TOX2: variants seen among roughly 807,000 people sequenced by gnomAD.
TOX2 encodes granulosa cell HMG box 1.
Under a neutral mutation model 47.4 loss-of-function variants are expected in TOX2, and 15 were observed. The observed-to-expected ratio is 0.32, with a 90% CI of 0.21 to 0.49. TOX2 has a LOEUF of 0.49. Ranked by LOEUF, TOX2 falls within the 20% of genes least tolerant of loss-of-function variation. TOX2 has a pLI of 0.99. For synonymous variants in TOX2, 290 were observed against 296.6 expected (o/e 0.98, Z 0.23); for missense variants, 622 against 673.1 (o/e 0.92, Z 0.84).
At chr20:44,046,649 A>G (rs931774963) in intron 3 of TOX2, among the ~76,000 whole-genome samples, 8 of 152,366 alleles carry the variant, frequency 5.3e-5, no homozygotes, top group East Asian at 1.9e-4. Flanking sequence ...CAGCTACCAC[A>G]TGGATGAACC....
At chr20:43,931,472 C>A (rs2069251979) in intron 1 of TOX2, among the ~76,000 whole-genome samples, 2 of 152,210 alleles carry the variant, frequency 1.3e-5, no homozygotes, top group Admixed American at 6.5e-5. Context: ...TCAAGCGCCA[C>A]CCCCTCCTGG....
chr20:43,922,936 T>C (rs531463662), intron 1 of TOX2, among the ~76,000 whole-genome samples: 1 of 152,324 alleles, frequency 6.6e-6, no homozygotes, highest in South Asian at 2.1e-4. Flanking sequence ...TGTGGATTTG[T>C]AATCAATTGG....
chr20:43,989,783 A>G (rs2070335975), intron 2 of TOX2, among the ~76,000 whole-genome samples: 1 of 145,668 alleles, frequency 6.9e-6, no homozygotes. Context: ...CTGTCTCAGA[A>G]AAAAAAAAAA....
intron 1 of TOX2, among the ~76,000 whole-genome samples, chr20:43,950,835 G>A (rs183607165): frequency 3.9e-4 from 60 of 152,188 alleles, no homozygotes; most frequent in Non-Finnish European, 6.3e-4. Context: ...AACTCCAGGG[G>A]TCTTTGTTCA....
chr20:44,026,838 G>A (rs1178779819), intron 3 of TOX2, among the ~76,000 whole-genome samples: 1 of 152,102 alleles, frequency 6.6e-6, no homozygotes, highest in Non-Finnish European at 1.5e-5. Flanking sequence ...TTCTTCTGTG[G>A]GGTGAGGCCA....
intron 3 of TOX2, among the ~76,000 whole-genome samples, chr20:44,025,290 C>T (rs1311539411): frequency 6.6e-6 from 1 of 151,894 alleles, no homozygotes; most frequent in Admixed American, 6.6e-5. Context: ...GCATAAATTG[C>T]ACCACACAGT....
At chr20:43,919,375 A>G (rs908645352) in intron 1 of TOX2, among the ~76,000 whole-genome samples, 2 of 152,196 alleles carry the variant, frequency 1.3e-5, no homozygotes, top group Non-Finnish European at 2.9e-5. Context: ...GAAAAATGGA[A>G]CAGGAAAGAG....
intron 5 of TOX2, among the ~76,000 whole-genome samples, chr20:44,060,694 A>G (rs968606203): frequency 6.6e-5 from 10 of 152,206 alleles, no homozygotes; most frequent in Non-Finnish European, 1.5e-4. Flanking sequence ...TGGATATTAT[A>G]AAATTATTTG....
intron 3 of TOX2, among the ~76,000 whole-genome samples, chr20:44,047,411 A>C (rs2145737772): frequency 6.6e-6 from 1 of 152,374 alleles, no homozygotes; most frequent in East Asian, 1.9e-4. Context: ...AAAACAACAT[A>C]TGCTACCTCA....
chr20:43,946,144 G>C, intron 1 of TOX2: 1 of 1,483,678 alleles, frequency 6.7e-7, no homozygotes, highest in Non-Finnish European at 9.1e-7. Context: ...ACCTGGACTG[G>C]TGCTTGTCAC....
intron 2 of TOX2, among the ~76,000 whole-genome samples, chr20:43,984,374 G>A (rs1273930879): frequency 6.6e-6 from 1 of 152,204 alleles, no homozygotes; most frequent in Non-Finnish European, 1.5e-5. Context: ...AGCCCATCCT[G>A]TGTATATGGA....
At chr20:43,983,142 C>A (rs1466418111) in intron 2 of TOX2, among the ~76,000 whole-genome samples, 1 of 151,950 alleles carries the variant, frequency 6.6e-6, no homozygotes, top group African/African-American at 2.4e-5. Context: ...GCCCCACTGC[C>A]CCTGTAGCAT....
At chr20:43,919,578 G>A (rs769407118) in intron 1 of TOX2, among the ~76,000 whole-genome samples, 4 of 152,190 alleles carry the variant, frequency 2.6e-5, no homozygotes, top group African/African-American at 4.8e-5. Flanking sequence ...ATAGGTAAAC[G>A]TCTGCCATGG....
At chr20:44,041,931 A>G (rs1286289472) in intron 3 of TOX2, among the ~76,000 whole-genome samples, 2 of 152,242 alleles carry the variant, frequency 1.3e-5, no homozygotes, top group African/African-American at 4.8e-5. Flanking sequence ...AACATTCATA[A>G]TAAACTTCAA....
At chr20:43,954,763 C>T (rs1446611529) in intron 1 of TOX2, among the ~76,000 whole-genome samples, 1 of 152,208 alleles carries the variant, frequency 6.6e-6, no homozygotes, top group African/African-American at 2.4e-5. Flanking sequence ...GCTCTGCCTG[C>T]CATTTCAGCC....
rs569033016 is a variant in TOX2, at chr20:43,977,356, C to A, written c.165+3924C>A. 1.4e-4 allele frequency among the ~76,000 whole-genome samples: 21 copies of A among 152,300 alleles called. No individual in the cohort carries two copies. The South Asian group carries it at 3.7e-3, about 27-fold the overall frequency. ...GAACTCCTGACCTTAAGTGATCCGC[C>A]CACCTCGGCCTCCCAAAGTGGTGGG... On this transcript the variant is annotated intron_variant, in intron 2 of 8. Coordinates refer to ENST00000341197, the MANE Select transcript of TOX2 (RefSeq NM_001098797.2).
intron 5 of TOX2, among the ~76,000 whole-genome samples, chr20:44,056,862 CACATATTTAT>C (rs1475643929): frequency 6.6e-6 from 1 of 152,080 alleles, no homozygotes; most frequent in African/African-American, 2.4e-5. Flanking sequence ...TATAATTATA[CACATATTTAT>C]ACATATGTAT....
intron 2 of TOX2, among the ~76,000 whole-genome samples, chr20:43,999,017 C>T (rs2145577174): frequency 6.6e-6 from 1 of 152,294 alleles, no homozygotes; most frequent in Middle Eastern, 3.4e-3. Flanking sequence ...ACCTTGGCCT[C>T]TCAAAGTTCT....
At chr20:43,945,034 G>A (rs1384748345) in intron 1 of TOX2, among the ~76,000 whole-genome samples, 1 of 152,208 alleles carries the variant, frequency 6.6e-6, no homozygotes, top group Non-Finnish European at 1.5e-5. Flanking sequence ...ATCAAGGCTT[G>A]TGGTGGGTGA....
Sources: gnomAD v4.1 joint callset for allele counts (sites outside exome capture counted in the v4.1 genomes callset) on GRCh38, gnomAD v4.1.1 for gene constraint, MANE v1.5 for transcripts, NCBI Gene and HGNC (gene_info 2026-07-23, HGNC 2026-07-21) for gene names.